Variants in LRRTM4 observed in about 807,000 individuals in gnomAD.
The protein encoded by LRRTM4 is leucine-rich repeat transmembrane neuronal protein 4.
In LRRTM4, 25 loss-of-function variants were observed where a neutral mutation model predicts 47.6. That is an observed-to-expected ratio of 0.53 (90% CI 0.38 to 0.73). LRRTM4 has a LOEUF of 0.73. LRRTM4 is among the 30% of genes least tolerant of loss of function. LRRTM4 has a pLI of 0.00. For synonymous variants in LRRTM4, 311 were observed against 269.5 expected, an observed-to-expected ratio of 1.15 and a Z score of -1.51; for missense variants, 638 against 713.4, an observed-to-expected ratio of 0.89 and a Z score of 1.20.
chr2:77,311,739 T>A (rs1166410086), intron 3 of LRRTM4, among the ~76,000 whole-genome samples: 1 of 152,154 alleles, frequency 6.6e-6, no homozygotes, highest in African/African-American at 2.4e-5. Flanking sequence ...GAAGACAAAT[T>A]TGGCTGCAAA....
intron 3 of LRRTM4, among the ~76,000 whole-genome samples, chr2:77,463,621 T>C (rs1162836995): frequency 6.6e-6 from 1 of 152,098 alleles, no homozygotes; most frequent in African/African-American, 2.4e-5. Flanking sequence ...GGCCATTATA[T>C]ATTTTACACT....
chr2:77,301,581 C>G (rs1400365932), intron 3 of LRRTM4, among the ~76,000 whole-genome samples: 4 of 152,074 alleles, frequency 2.6e-5, no homozygotes, highest in African/African-American at 7.2e-5. Flanking sequence ...AATAAGAAAG[C>G]TATTGCTAAA....
intron 3 of LRRTM4, among the ~76,000 whole-genome samples, chr2:77,373,108 T>TATATATACTATATATATAA (rs1558713110): frequency 6.8e-6 from 1 of 146,350 alleles, no homozygotes; most frequent in Non-Finnish European, 1.5e-5. Flanking sequence ...TATATATATA[T>TATATATACTATATATATAA]ACGCACACAC....
At chr2:77,358,026 C>G (rs1195713252) in intron 3 of LRRTM4, among the ~76,000 whole-genome samples, 5 of 152,136 alleles carry the variant, frequency 3.3e-5, no homozygotes, top group Non-Finnish European at 7.4e-5. Flanking sequence ...TTTCCCTCAT[C>G]TCATATATAC....
chr2:77,054,727 T>G (rs1372492823), intron 3 of LRRTM4, among the ~76,000 whole-genome samples: 2 of 152,182 alleles, frequency 1.3e-5, no homozygotes, highest in Non-Finnish European at 2.9e-5. Context: ...TTTATAAAAG[T>G]AGGAATGGTA....
At chr2:77,116,195 T>A (rs1358556501) in intron 3 of LRRTM4, among the ~76,000 whole-genome samples, 1 of 152,076 alleles carries the variant, frequency 6.6e-6, no homozygotes, top group African/African-American at 2.4e-5. Flanking sequence ...TTGTTTGGAA[T>A]TAATATACTG....
chr2:77,396,468 G>T (rs1343335212), intron 3 of LRRTM4, among the ~76,000 whole-genome samples: 2 of 151,876 alleles, frequency 1.3e-5, no homozygotes, highest in African/African-American at 4.8e-5. Flanking sequence ...TTTGCATACT[G>T]TGAGAACTTG....
intron 3 of LRRTM4, among the ~76,000 whole-genome samples, chr2:76,869,634 G>T (rs916284011): frequency 2.6e-5 from 4 of 152,034 alleles, no homozygotes; most frequent in African/African-American, 7.2e-5. Flanking sequence ...TAAAAACATG[G>T]CTGTTATTAT....
At chr2:76,802,469 G>A (rs1367250582) in intron 3 of LRRTM4, among the ~76,000 whole-genome samples, 1 of 152,010 alleles carries the variant, frequency 6.6e-6, no homozygotes, top group African/African-American at 2.4e-5. Flanking sequence ...AAATGGAAAG[G>A]GCCACAAATT....
Position 77,124,189 on chromosome 2 carries a change from C to G in LRRTM4, c.1552-375273G>C, listed in dbSNP as rs941134385. Among the ~76,000 whole-genome samples, 6 of 152,136 alleles carry G rather than the reference C, an allele frequency of 3.9e-5. No individual in the cohort carries two copies. The East Asian group carries it at 1.2e-3, about 29-fold the overall frequency. On this transcript the variant is annotated intron_variant, in intron 3 of 3. Transcript: ENST00000409884. ...ACAAGCTCAATTCTGAGTCCTATAT[C>G]TGGAGCAACTGGGGCAAAAAAACAA...
intron 3 of LRRTM4, among the ~76,000 whole-genome samples, chr2:76,773,201 A>G (rs1673788634): frequency 6.6e-6 from 1 of 152,230 alleles, no homozygotes; most frequent in Non-Finnish European, 1.5e-5. Flanking sequence ...CTGGGGAATG[A>G]TAGGAGCCTA....
intron 1 of LRRTM4, 59 bp from the exon 2 acceptor site, chr2:77,521,877 A>ATG (rs1679525423): frequency 3.3e-6 from 1 of 304,014 alleles, no homozygotes; most frequent in African/African-American, 2.3e-5. Flanking sequence ...ATATACATAT[A>ATG]TATATATATA....
At chr2:76,903,821 G>T (rs1673727097) in intron 3 of LRRTM4, among the ~76,000 whole-genome samples, 1 of 152,096 alleles carries the variant, frequency 6.6e-6, no homozygotes, top group Non-Finnish European at 1.5e-5. Flanking sequence ...ATAGAAAGGT[G>T]GCATCGAGAA....
chr2:77,154,218 T>A (rs1346567864), intron 3 of LRRTM4, among the ~76,000 whole-genome samples: 1 of 152,184 alleles, frequency 6.6e-6, no homozygotes, highest in African/African-American at 2.4e-5. Context: ...TGTCTAACAA[T>A]TATAGACTTT....
intron 3 of LRRTM4, among the ~76,000 whole-genome samples, chr2:77,296,108 A>G (rs1342390575): frequency 6.6e-6 from 1 of 152,234 alleles, no homozygotes; most frequent in Non-Finnish European, 1.5e-5. Context: ...AGATTAAATA[A>G]TGCAAATATT....
chr2:76,781,009 A>C (rs532695076), intron 3 of LRRTM4, among the ~76,000 whole-genome samples: 1 of 152,194 alleles, frequency 6.6e-6, no homozygotes, highest in African/African-American at 2.4e-5. Flanking sequence ...GTCTGTTGGA[A>C]TACCCTGCCG....
chr2:76,837,013 T>C (rs138973656), intron 3 of LRRTM4, among the ~76,000 whole-genome samples: 1,527 of 152,296 alleles, frequency 0.01, 12 homozygotes, highest in Middle Eastern at 0.041. Context: ...GGAATCATTC[T>C]GTCACCTTTG....
At chr2:77,121,817 GAT>G (rs1671529084) in intron 3 of LRRTM4, among the ~76,000 whole-genome samples, 1 of 151,788 alleles carries the variant, frequency 6.6e-6, no homozygotes, top group Non-Finnish European at 1.5e-5. Flanking sequence ...TTTTGAGAAA[GAT>G]AAGCAATGAT....
chr2:77,271,058 A>G (rs1199940783), intron 3 of LRRTM4, among the ~76,000 whole-genome samples: 1 of 152,186 alleles, frequency 6.6e-6, no homozygotes, highest in Non-Finnish European at 1.5e-5. Context: ...ACCTGACTTC[A>G]GAGAAGACAA....
Sources: allele counts gnomAD v4.1 joint callset (sites outside exome capture counted in the v4.1 genomes callset), GRCh38; gene constraint gnomAD v4.1.1; transcripts MANE v1.5; gene names NCBI Gene and HGNC (gene_info 2026-07-23, HGNC 2026-07-21).